The following NDEL1 variants were observed in gnomAD, a reference collection of about 807,000 sequenced individuals.
NDEL1 encodes the protein nuclear distribution protein nudE-like 1.
NDEL1 carries 9 observed loss-of-function variants against 45.7 expected under a neutral mutation model. The ratio of observed to expected loss-of-function variants is 0.20; its 90% CI spans 0.12 to 0.34. NDEL1 has a LOEUF of 0.34. Among genes scored for constraint, NDEL1 ranks in the 10% least tolerant of loss-of-function variants. The probability of loss-of-function intolerance (pLI) is 1.00; values close to 1 mark genes in which losing one functional copy is unlikely to be tolerated. For synonymous variants in NDEL1, 133 were observed against 158.6 expected (o/e 0.84, Z 1.21); for missense variants, 306 against 406.2 (o/e 0.75, Z 2.12).
chr17:8,464,825 A>C (rs1171673643), intron 8 of NDEL1: 1 of 152,404 alleles, frequency 6.6e-6, no homozygotes, highest in Non-Finnish European at 1.5e-5. Flanking sequence ...GCCTAGGCTA[A>C]TGGCTGGACC....
At chr17:8,461,889 A>T (rs1163686344) in intron 8 of NDEL1, among the ~76,000 whole-genome samples, 1 of 151,990 alleles carries the variant, frequency 6.6e-6, no homozygotes. Flanking sequence ...TCATAAATGG[A>T]TAGGTCGGAC....
chr17:8,457,969 A>G (rs565398777), intron 7 of NDEL1, among the ~76,000 whole-genome samples: 6 of 152,322 alleles, frequency 3.9e-5, no homozygotes, highest in South Asian at 2.1e-4. Context: ...TATGTGGTAC[A>G]TATTACATAC....
chr17:8,463,310 C>T (rs1911344756), intron 8 of NDEL1: 4 of 1,609,242 alleles, frequency 2.5e-6, no homozygotes, highest in Middle Eastern at 1.7e-4. Context: ...GTTCTCCTTT[C>T]TTTTATTAGG....
chr17:8,456,626 GT>G (rs1466889011), intron 7 of NDEL1, among the ~76,000 whole-genome samples: 2 of 151,428 alleles, frequency 1.3e-5, no homozygotes, highest in South Asian at 2.1e-4. Context: ...AGCCTCCTGA[GT>G]AGCTGGGATT....
chr17:8,460,305 CG>C, intron 8 of NDEL1, 145 bp downstream of exon 8: 1 of 878,800 alleles, frequency 1.1e-6, no homozygotes, highest in Non-Finnish European at 1.7e-6. Context: ...GGTGACATGA[CG>C]TCTGTTGTTG....
chr17:8,447,005 C>T lies in NDEL1; in HGVS notation c.389+103C>T, dbSNP rs536950635. The T allele has an allele frequency of 8.5e-6, 12 of 1,412,870 alleles. No individual in the cohort carries two copies. In the East Asian group the frequency reaches 2.2e-4, roughly 26 times the overall value. 87.5% of individuals were successfully genotyped at this position (1,412,870 alleles called of 1,614,324 possible). On this transcript the variant is annotated intron_variant, in intron 4 of 8. Transcript: ENST00000334527. Reference sequence around the variant, plus strand: ...CTAGATCTTAGTCCCAGAACATTTCCTGTTGGTGTTTCATGTCACCTGTAA... The same window carrying T: ...CTAGATCTTAGTCCCAGAACATTTCTTGTTGGTGTTTCATGTCACCTGTAA...
At chr17:8,466,216 C>T (rs529845248) in intron 8 of NDEL1, 8 of 152,194 alleles carry the variant, frequency 5.3e-5, no homozygotes, top group Non-Finnish European at 1.2e-4. Context: ...AATTCACCCA[C>T]AGCCCAGAGG....
chr17:8,446,440 C>T (rs966191881), intron 3 of NDEL1, among the ~76,000 whole-genome samples: 1 of 152,048 alleles, frequency 6.6e-6, no homozygotes, highest in African/African-American at 2.4e-5. Context: ...CTGTGCTTAC[C>T]CTGGGCCGCA....
intron 1 of NDEL1, among the ~76,000 whole-genome samples, chr17:8,440,632 A>G (rs536241876): frequency 6.6e-6 from 1 of 152,364 alleles, no homozygotes; most frequent in South Asian, 2.1e-4. Context: ...ATTCTCAAAA[A>G]GTTTCATGCA....
intron 8 of NDEL1, among the ~76,000 whole-genome samples, chr17:8,462,584 G>A (rs1911279145): frequency 1.3e-5 from 2 of 152,148 alleles, no homozygotes; most frequent in South Asian, 4.1e-4. Flanking sequence ...TATACACTCT[G>A]GCAGGTTAAA....
At chr17:8,428,363 T>TGTG (rs769560627) in intron 1 of NDEL1, among the ~76,000 whole-genome samples, 6 of 50,952 alleles carry the variant, frequency 1.2e-4, no homozygotes, top group South Asian at 5.0e-4. Flanking sequence ...TGTGTGTGTA[T>TGTG]TTTTTTTTTT....
upstream of NDEL1, among the ~76,000 whole-genome samples, chr17:8,433,099 C>CA (rs552822111): frequency 0.014 from 1,934 of 135,842 alleles, 28 homozygotes; most frequent in African/African-American, 0.043. Context: ...TACAATTCTT[C>CA]AAAAAAAAAA....
chr17:8,422,332 G>A (rs889569739), intron 1 of NDEL1, among the ~76,000 whole-genome samples: 20 of 151,880 alleles, frequency 1.3e-4, no homozygotes, highest in African/African-American at 3.9e-4. Context: ...TGTTGTTGAC[G>A]GAGTCTCGCT....
chr17:8,455,639 A>G (rs1466846946), intron 7 of NDEL1, among the ~76,000 whole-genome samples: 1 of 150,766 alleles, frequency 6.6e-6, no homozygotes, highest in African/African-American at 2.4e-5. Flanking sequence ...GTGAGCCGAG[A>G]TCGAGCCACT....
intron 1 of NDEL1, among the ~76,000 whole-genome samples, chr17:8,437,872 C>T (rs1909451599): frequency 7.5e-6 from 1 of 133,222 alleles, no homozygotes; most frequent in Non-Finnish European, 1.5e-5. Flanking sequence ...TATGATAATG[C>T]TTTACGTAAA....
intron 1 of NDEL1, among the ~76,000 whole-genome samples, chr17:8,437,494 G>A (rs1597524106): frequency 1.3e-5 from 2 of 152,228 alleles, no homozygotes; most frequent in East Asian, 3.9e-4. Flanking sequence ...GATAAATTTG[G>A]TTACTAAAGC....
downstream of NDEL1, among the ~76,000 whole-genome samples, chr17:8,468,581 GCTAGCAA>G (rs1911749233): frequency 6.6e-6 from 1 of 152,222 alleles, no homozygotes; most frequent in Non-Finnish European, 1.5e-5. Context: ...TCAGGTTAAT[GCTAGCAA>G]GTGAGAGAAG....
chr17:8,445,663 C>A, intron 2 of NDEL1, 48 bp from the exon 3 acceptor site: 1 of 1,564,154 alleles, frequency 6.4e-7, no homozygotes, highest in Non-Finnish European at 8.6e-7. Context: ...CAAGACAATC[C>A]TTGTGGTTCT....
intron 7 of NDEL1, among the ~76,000 whole-genome samples, chr17:8,458,508 C>A (rs903592867): frequency 6.6e-6 from 1 of 151,436 alleles, no homozygotes; most frequent in Non-Finnish European, 1.5e-5. Context: ...TGAATGAATG[C>A]GTGTCTTGAA....
Sources: gnomAD v4.1 joint callset for allele counts (sites outside exome capture counted in the v4.1 genomes callset) on GRCh38, gnomAD v4.1.1 for gene constraint, MANE v1.5 for transcripts, NCBI Gene and HGNC (gene_info 2026-07-23, HGNC 2026-07-21) for gene names.